Variants in CSMD1 observed in about 807,000 individuals in gnomAD.
CSMD1 encodes CUB and Sushi multiple domains 1.
Under a neutral mutation model 417.5 loss-of-function variants are expected in CSMD1, and 213 were observed. The ratio of observed to expected loss-of-function variants is 0.51; its 90% CI spans 0.46 to 0.57. The LOEUF is 0.57. Among genes scored for constraint, CSMD1 ranks in the 20% least tolerant of loss-of-function variants. CSMD1 has a pLI of 0.00. For missense variants in CSMD1, 6,923 were observed against 4,529.7 expected, an observed-to-expected ratio of 1.53 and a Z score of -15.17; for synonymous variants, 2,862 against 1,736.8, an observed-to-expected ratio of 1.65 and a Z score of -16.11.
At position 4,149,493 on chromosome 8, in the gene CSMD1, G is replaced by T. The variant is rs573141650; in HGVS notation, c.416-117394C>A. Among the ~76,000 whole-genome samples, 19 of 152,248 alleles carry T rather than the reference G, an allele frequency of 1.2e-4. No individual in the cohort carries two copies. In the South Asian group the frequency reaches 3.1e-3, roughly 25 times the overall value. The stretch of plus-strand genomic sequence containing the variant: ...TATATTTGAAGGATTACTCTATCTG[G>T]AATCTTGACTGTAAATACTCAGGGA... On this transcript the variant is annotated intron_variant, in intron 3 of 69. Coordinates refer to ENST00000635120, the MANE Select transcript of CSMD1 (RefSeq NM_033225.6).
chr8:4,432,688 C>G (rs373512913), intron 2 of CSMD1, among the ~76,000 whole-genome samples: 1 of 152,136 alleles, frequency 6.6e-6, no homozygotes, highest in Non-Finnish European at 1.5e-5. Flanking sequence ...CAAACCCTGG[C>G]GTCTCTCTCC....
chr8:4,837,118 C>A (rs1800540840), intron 1 of CSMD1, among the ~76,000 whole-genome samples: 2 of 152,004 alleles, frequency 1.3e-5, no homozygotes, highest in African/African-American at 4.8e-5. Context: ...AATCTGATTT[C>A]TAATAGATCC....
chr8:2,945,619 A>G (rs776698937), intron 68 of CSMD1, among the ~76,000 whole-genome samples: 7 of 152,202 alleles, frequency 4.6e-5, no homozygotes, highest in African/African-American at 7.2e-5. Flanking sequence ...CTGCAATTTC[A>G]TTCAATCATT....
At chr8:3,539,108 C>T (rs901615867) in intron 10 of CSMD1, among the ~76,000 whole-genome samples, 2 of 152,320 alleles carry the variant, frequency 1.3e-5, no homozygotes, top group African/African-American at 4.8e-5. Context: ...CCTTTCCCTG[C>T]ACCCGCGGAT....
intron 41 of CSMD1, among the ~76,000 whole-genome samples, chr8:3,124,433 T>C (rs1817380629): frequency 6.6e-6 from 1 of 152,218 alleles, no homozygotes; most frequent in African/African-American, 2.4e-5. Flanking sequence ...ATTGTTTTGT[T>C]GAAGAAATGA....
Position 3,367,206 on chromosome 8 carries a change from G to A in CSMD1, c.2941C>T (p.His981Tyr). 1 of 1,613,432 alleles carries A rather than the reference G, an allele frequency of 6.2e-7. No individual in the cohort carries two copies. The highest frequency in any genetic ancestry group is 1.3e-5 in the African/African-American group (1 of 74,992). Reference protein sequence around the residue: ...IFHTFHLESSHDYLLITEDGS... With the variant: ...IFHTFHLESSYDYLLITEDGS... ...TCCTCTGTGATCAGTAAATAGTCGT[G>A]GGAACTCTCAAGATGAAAGGTGTGA... The change falls in exon 20 of 70, where the codon CAC becomes TAC. Residue 981 changes from histidine (H) to tyrosine (Y), a missense_variant. His to Tyr is a moderately conservative substitution (Grantham distance 83, BLOSUM62 2). Transcript: ENST00000635120.
chr8:4,097,456 G>A (rs1024894379), intron 3 of CSMD1, among the ~76,000 whole-genome samples: 1 of 152,134 alleles, frequency 6.6e-6, no homozygotes, highest in African/African-American at 2.4e-5. Context: ...TCATTAAAGG[G>A]GGTTGTAATA....
chr8:4,670,012 G>A (rs149393936), intron 1 of CSMD1, among the ~76,000 whole-genome samples: 5 of 152,270 alleles, frequency 3.3e-5, no homozygotes, highest in South Asian at 2.1e-4. Context: ...TGTTGCTCCA[G>A]AACAAATGAA....
intron 5 of CSMD1, among the ~76,000 whole-genome samples, chr8:3,887,724 T>C (rs1806660919): frequency 6.6e-6 from 1 of 152,190 alleles, no homozygotes. Context: ...ATAGCTTTGA[T>C]CTGTGGATAG....
chr8:3,934,609 C>T (rs1014338961), intron 5 of CSMD1, among the ~76,000 whole-genome samples: 3 of 152,140 alleles, frequency 2.0e-5, no homozygotes, highest in Admixed American at 6.5e-5. Context: ...AATCTCAGCA[C>T]TTTGGCAGGC....
intron 9 of CSMD1, among the ~76,000 whole-genome samples, chr8:3,578,406 C>T (rs564895226): frequency 7.2e-5 from 11 of 152,084 alleles, no homozygotes; most frequent in African/African-American, 2.7e-4. Flanking sequence ...GGCACAGCAG[C>T]CTGCGAGGCA....
chr8:4,226,913 G>A (rs922317907), intron 3 of CSMD1, among the ~76,000 whole-genome samples: 5 of 152,132 alleles, frequency 3.3e-5, no homozygotes, highest in African/African-American at 9.7e-5. Flanking sequence ...TTTTGTTGTT[G>A]TTGTCACTTT....
At chr8:2,996,266 A>C (rs1170528969) in intron 54 of CSMD1, among the ~76,000 whole-genome samples, 2 of 152,210 alleles carry the variant, frequency 1.3e-5, no homozygotes, top group Admixed American at 1.3e-4. Context: ...CCATATAAAC[A>C]CGTAATTTAG....
chr8:4,191,715 C>T lies in CSMD1; in HGVS notation c.416-159616G>A, dbSNP rs1345438012. On this transcript the variant is annotated intron_variant, in intron 3 of 69. Transcript: ENST00000635120. ...TGCCTTTACCAAATATATATACTCT[C>T]CTTCCACTGAAAAAAGGGAAGGTCA... 2.0e-5 allele frequency among the ~76,000 whole-genome samples: 3 copies of T among 147,712 alleles called. No individual in the cohort carries two copies. In the Admixed American group the frequency reaches 2.1e-4, roughly 10 times the overall value.
rs753981627 is a variant in CSMD1, at chr8:3,190,033, G to A, written c.5277C>T (p.Ala1759=). ...YGRRIGSEFS[A]GSIVRFECNP... ...TGCACTCGAATCGGACGATGGAGCC[G>A]GCAGAAAACTCAGAACCAATTCTCC... The change falls in exon 34 of 70, where the codon GCC becomes GCT. Residue 1759 remains alanine (A), a synonymous_variant. Coordinates refer to ENST00000635120, the MANE Select transcript of CSMD1 (RefSeq NM_033225.6). The A allele has an allele frequency of 1.1e-5, 17 of 1,594,522 alleles. No individual in the cohort carries two copies. The Middle Eastern group carries it at 6.6e-4, about 62-fold the overall frequency.
At chr8:3,755,989 T>C (rs933611917) in intron 5 of CSMD1, among the ~76,000 whole-genome samples, 5 of 152,072 alleles carry the variant, frequency 3.3e-5, no homozygotes, top group Non-Finnish European at 7.4e-5. Flanking sequence ...ATACGGAGAA[T>C]GTCTAAAAAA....
intron 3 of CSMD1, among the ~76,000 whole-genome samples, chr8:4,333,549 A>G (rs925309741): frequency 6.6e-6 from 1 of 152,166 alleles, no homozygotes; most frequent in Admixed American, 6.6e-5. Context: ...TCATCAGGAT[A>G]TGCACACCAT....
intron 3 of CSMD1, among the ~76,000 whole-genome samples, chr8:4,160,994 T>A (rs1385392063): frequency 6.6e-6 from 1 of 152,198 alleles, no homozygotes; most frequent in African/African-American, 2.4e-5. Context: ...TCTTTGGTGA[T>A]CACTTTGTCC....
chr8:3,360,790 T>A (rs1262718318), intron 20 of CSMD1, among the ~76,000 whole-genome samples: 1 of 152,224 alleles, frequency 6.6e-6, no homozygotes, highest in Admixed American at 6.5e-5. Flanking sequence ...GGTTCATTAT[T>A]TTCACTGGAC....
Sources: gnomAD v4.1 joint callset for allele counts (sites outside exome capture counted in the v4.1 genomes callset) on GRCh38, gnomAD v4.1.1 for gene constraint, MANE v1.5 for transcripts, NCBI Gene and HGNC (gene_info 2026-07-23, HGNC 2026-07-21) for gene names.